Variants in SLC25A46 observed in about 807,000 individuals in gnomAD.
The protein encoded by SLC25A46 is solute carrier family 25 member 46, also known as mitochondrial outer membrane protein SLC25A46.
In SLC25A46, 39 loss-of-function variants were observed where a neutral mutation model predicts 44.6. That is an observed-to-expected ratio of 0.87 (90% CI 0.68 to 1.14). The LOEUF is 1.14. Among genes scored for constraint, SLC25A46 ranks in the 50% most tolerant of loss-of-function variants. SLC25A46 has a pLI of 0.00. For synonymous variants in SLC25A46, 202 were observed against 185.8 expected, an observed-to-expected ratio of 1.09 and a Z score of -0.71; for missense variants, 547 against 522.7, an observed-to-expected ratio of 1.05 and a Z score of -0.45.
chr5:110,739,734 C>T (rs6893292), intron 1 of SLC25A46, among the ~76,000 whole-genome samples: 1 of 152,134 alleles, frequency 6.6e-6, no homozygotes, highest in Non-Finnish European at 1.5e-5. Flanking sequence ...TTTGGCAGCT[C>T]TATTTTCTTG....
In SLC25A46 at chr5:110,762,702, T is replaced by A. The variant is rs984518901; in HGVS notation, c.*920T>A. On this transcript the variant is annotated 3_prime_UTR_variant, in exon 8 of 8. Transcript: ENST00000355943. The stretch of plus-strand genomic sequence containing the variant: ...TTACTACTGTTTCCACATTTACAAA[T>A]TGTGTACTTAAATGAACCTCATTTC... The A allele has an allele frequency of 2.0e-5, 3 of 151,908 alleles. No individual in the cohort carries two copies. Among genetic ancestry groups the A allele is most frequent in the Non-Finnish European group, 2.9e-5 (2 of 67,902 alleles). 9.4% of individuals were successfully genotyped at this position (151,908 alleles called of 1,614,324 possible). A position where few individuals can be genotyped will look rare whatever the true frequency, so the allele number is the denominator to read the frequency against.
chr5:110,748,930 T>C (rs1799886584), intron 5 of SLC25A46, among the ~76,000 whole-genome samples: 1 of 152,180 alleles, frequency 6.6e-6, no homozygotes, highest in South Asian at 2.1e-4. Context: ...TTTTAATATA[T>C]AGATGTTCTG....
chr5:110,744,104 A>G (rs1298649546), intron 3 of SLC25A46, among the ~76,000 whole-genome samples: 2 of 152,162 alleles, frequency 1.3e-5, no homozygotes, highest in Admixed American at 1.3e-4. Flanking sequence ...ACTATTTTGC[A>G]TTTTTGCAAA....
Position 110,761,733 on chromosome 5 carries a change from T to C in SLC25A46, c.1208T>C (p.Leu403Ser). 1 of 1,612,798 alleles carries C rather than the reference T, an allele frequency of 6.2e-7. No individual in the cohort carries two copies. ...IIQYTLHAAV[L>S]QITKIIYSTL... ...CAGTACACACTGCATGCAGCTGTTT[T>C]ACAGATTACCAAAATTATTTACTCT... Residue 403 changes from leucine (L) to serine (S), a missense_variant, in exon 8 of 8, where the codon TTA becomes TCA. By Grantham distance (145) the Leu-to-Ser change is moderately radical (BLOSUM62 -2). Transcript: ENST00000355943. The surrounding 1 kb of genome is among the most constrained non-coding windows in gnomAD (Gnocchi z 5.3).
chr5:110,753,396 T>A (rs1800020533), intron 5 of SLC25A46: 1 of 151,878 alleles, frequency 6.6e-6, no homozygotes, highest in Admixed American at 6.6e-5. Flanking sequence ...ATTGCCTTTT[T>A]TGTGTTGATT....
At chr5:110,753,451 CTG>C (rs1800023235) in intron 5 of SLC25A46, 1 of 151,542 alleles carries the variant, frequency 6.6e-6, no homozygotes, top group Non-Finnish European at 1.5e-5. Flanking sequence ...AAAAACTAGA[CTG>C]TTTTGAGAAA....
At chr5:110,753,993 T>G (rs1294393917) in intron 5 of SLC25A46, 3 of 151,596 alleles carry the variant, frequency 2.0e-5, no homozygotes, top group Admixed American at 2.0e-4. Context: ...ATCTATTTTT[T>G]ATATTTTTCG....
In SLC25A46 at chr5:110,764,185, G is replaced by C. The variant is rs554403244; in HGVS notation, c.*2403G>C. On this transcript the variant is annotated 3_prime_UTR_variant, in exon 8 of 8. Coordinates refer to ENST00000355943, the MANE Select transcript of SLC25A46 (RefSeq NM_138773.4). ...ATATAAGCCAAATTTTGGCCATGGA[G>C]CTTGTGATACACTTGCCTTACATTG... 2.0e-5 allele frequency: 3 copies of C among 151,814 alleles called. No individual in the cohort carries two copies. Among genetic ancestry groups the C allele is most frequent in the Non-Finnish European group, 4.4e-5 (3 of 67,866 alleles). The allele number at this position is 151,814 out of a possible 1,614,324, so 9.4% of individuals were successfully genotyped here.
At position 110,761,537 on chromosome 5, in the gene SLC25A46, T is replaced by C. The variant is rs1427862087; in HGVS notation, c.1012T>C (p.Leu338=). ...TATACTTTACCCATTGGAAACAGTT[T>C]TGCACCGCCTTCACATTCAAGGAAC... ...DVILYPLETV[L]HRLHIQGTRT... Residue 338 remains leucine, a synonymous_variant, in exon 8 of 8, where the codon TTG becomes CTG. Transcript: ENST00000355943. This position sits in a 1 kb window ranked among gnomAD's most constrained non-coding sequence, Gnocchi z 5.3. 2.8e-5 allele frequency: 45 copies of C among 1,613,708 alleles called. No homozygotes were observed. The highest frequency in any genetic ancestry group is 3.5e-5 in the Non-Finnish European group (41 of 1,179,830).
At chr5:110,738,996 T>A (rs577796065), upstream of SLC25A46, 14 of 1,465,056 alleles carry the variant, frequency 9.6e-6, no homozygotes, top group South Asian at 1.4e-4. Context: ...CCAACGTGAC[T>A]TCCGGTTGTC....
At chr5:110,742,963 CTTA>C (rs1190090152) in intron 2 of SLC25A46, among the ~76,000 whole-genome samples, 1 of 151,976 alleles carries the variant, frequency 6.6e-6, no homozygotes, top group African/African-American at 2.4e-5. Flanking sequence ...AGAAAAACAC[CTTA>C]TTTGCATAAT....
intron 5 of SLC25A46, among the ~76,000 whole-genome samples, chr5:110,751,990 T>A (rs1003941374): frequency 6.6e-6 from 1 of 152,164 alleles, no homozygotes; most frequent in Non-Finnish European, 1.5e-5. Flanking sequence ...TGTTTCTGTA[T>A]CCTATTAATG....
chr5:110,738,877 GACA>G, upstream of SLC25A46: 1 of 948,308 alleles, frequency 1.1e-6, no homozygotes, highest in East Asian at 2.8e-5. Flanking sequence ...ATTCCCTAAC[GACA>G]ACAAACTTTT....
chr5:110,756,815 T>G (rs1233962513), intron 7 of SLC25A46, 56 bp downstream of exon 7: 1 of 1,283,556 alleles, frequency 7.8e-7, no homozygotes, highest in Non-Finnish European at 1.1e-6. Flanking sequence ...TTTTGACTAT[T>G]CAGTATATTG....
Position 110,755,521 on chromosome 5 carries a change from C to T in SLC25A46, c.620C>T (p.Ser207Phe), listed in dbSNP as rs766116322. Residue 207 changes from serine (S) to phenylalanine (F), a missense_variant and splice_region_variant, in exon 6 of 8, where the codon TCC becomes TTC. Transcript: ENST00000355943. ...ATAGGAGAACACCTTCTACTGAAAT[C>T]GTAAGTATCAAAAAATGGCATTTTT... The part of the protein sequence containing the change: ...KQIGEHLLLK[S>F]LTYVVAMPFY... 7.7e-6 allele frequency: 12 copies of T among 1,565,236 alleles called. No homozygotes were observed. The highest frequency in any genetic ancestry group is 3.6e-5 in the South Asian group (3 of 83,088).
chr5:110,747,672 A>G (rs1206455975), intron 4 of SLC25A46, among the ~76,000 whole-genome samples: 1 of 152,130 alleles, frequency 6.6e-6, no homozygotes, highest in East Asian at 1.9e-4. Context: ...ATGGATTTGT[A>G]AGATACTAAG....
rs923013692 is a variant in SLC25A46, at chr5:110,764,292, C to T, written c.*2510C>T. On this transcript the variant is annotated 3_prime_UTR_variant, in exon 8 of 8. Transcript: ENST00000355943. ...TAATTTACTATGTAAAGTGAACTTA[C>T]GAATTAACTTACTAAATACATATAT... The T allele has an allele frequency of 3.3e-5, 5 of 151,716 alleles. No homozygotes were observed. The highest frequency in any genetic ancestry group is 6.6e-5 in the Admixed American group (1 of 15,182). 9.4% of individuals were successfully genotyped at this position (151,716 alleles called of 1,614,324 possible). A position where few individuals can be genotyped will look rare whatever the true frequency, so the allele number is the denominator to read the frequency against.
intron 2 of SLC25A46, among the ~76,000 whole-genome samples, chr5:110,743,434 T>G (rs1048782322): frequency 6.6e-6 from 1 of 152,068 alleles, no homozygotes; most frequent in Admixed American, 6.5e-5. Context: ...CATTAAACAT[T>G]CAGAGATCTA....
Position 110,761,647 on chromosome 5 carries a change from T to C in SLC25A46, c.1122T>C (p.Asn374=). The C allele has an allele frequency of 6.2e-7, 1 of 1,613,672 alleles. No homozygotes were observed. The highest frequency in any genetic ancestry group is 8.5e-7 in the Non-Finnish European group (1 of 1,179,736). ...TQYEGMRDCI[N]TIRQEEGVFG... ...ATGAGGGAATGAGAGACTGTATCAA[T>C]ACCATAAGGCAGGAGGAAGGAGTGT... is the stretch of plus-strand genomic sequence containing the variant. The change falls in exon 8 of 8, where the codon AAT becomes AAC. Residue 374 remains asparagine, a synonymous_variant. Coordinates refer to ENST00000355943, the MANE Select transcript of SLC25A46 (RefSeq NM_138773.4). This position sits in a 1 kb window ranked among gnomAD's most constrained non-coding sequence, Gnocchi z 5.3.
Sources: gnomAD v4.1 joint callset for allele counts (sites outside exome capture counted in the v4.1 genomes callset) on GRCh38, gnomAD v4.1.1 for gene constraint, Gnocchi (gnomAD v3.1) non-coding constraint, MANE v1.5 for transcripts, NCBI Gene and HGNC (gene_info 2026-07-23, HGNC 2026-07-21) for gene names.